PPP2R2B: variants seen among roughly 807,000 people sequenced by gnomAD.
PPP2R2B encodes protein phosphatase 2 regulatory subunit Bbeta.
In PPP2R2B, 5 loss-of-function variants were observed where a neutral mutation model predicts 46.0. The observed-to-expected ratio is 0.11, with a 90% CI of 0.06 to 0.23. The LOEUF (loss-of-function observed/expected upper bound fraction) is 0.23, where lower values mean the gene tolerates loss of function less well. Ranked by LOEUF, PPP2R2B falls within the 10% of genes least tolerant of loss-of-function variation. The pLI is 1.00. For missense variants in PPP2R2B, 367 were observed against 575.0 expected (o/e 0.64, Z 3.70); for synonymous variants, 215 against 206.7 (o/e 1.04, Z -0.34).
intron 1 of PPP2R2B, among the ~76,000 whole-genome samples, chr5:146,986,978 A>G (rs576673262): frequency 6.6e-6 from 1 of 152,304 alleles, no homozygotes; most frequent in African/African-American, 2.4e-5. Flanking sequence ...TCAAATGTCA[A>G]AAACAAAGGG....
intron 2 of PPP2R2B, among the ~76,000 whole-genome samples, chr5:146,722,287 C>G (rs1457356021): frequency 6.6e-6 from 1 of 152,116 alleles, no homozygotes; most frequent in African/African-American, 2.4e-5. Flanking sequence ...TATTCCCAGA[C>G]AAGAAAACAA....
intron 4 of PPP2R2B, among the ~76,000 whole-genome samples, chr5:146,693,905 C>T (rs1454236517): frequency 6.6e-6 from 1 of 152,230 alleles, no homozygotes; most frequent in Non-Finnish European, 1.5e-5. Context: ...TATTTCTTAT[C>T]TGTAACACTG....
At chr5:146,662,819 AAG>A (rs745829917) in intron 5 of PPP2R2B, among the ~76,000 whole-genome samples, 10 of 152,242 alleles carry the variant, frequency 6.6e-5, no homozygotes, top group Non-Finnish European at 1.3e-4. Flanking sequence ...ATGATATACA[AAG>A]AGTTCATGAA....
intron 2 of PPP2R2B, among the ~76,000 whole-genome samples, chr5:146,703,193 T>A (rs923590710): frequency 2.0e-5 from 3 of 152,214 alleles, no homozygotes; most frequent in African/African-American, 4.8e-5. Context: ...GGGTTATTCA[T>A]GGGGCTTCCA....
intron 7 of PPP2R2B, among the ~76,000 whole-genome samples, chr5:146,621,402 T>C (rs1773686518): frequency 6.6e-6 from 1 of 152,224 alleles, no homozygotes; most frequent in Non-Finnish European, 1.5e-5. Context: ...TCTGGCTCTA[T>C]GGCATCTCAT....
chr5:147,048,509 CA>C (rs1756643123), intron 1 of PPP2R2B, among the ~76,000 whole-genome samples: 1 of 152,082 alleles, frequency 6.6e-6, no homozygotes, highest in African/African-American at 2.4e-5. Flanking sequence ...TGTAGGTAAG[CA>C]AAACATTTAA....
intron 2 of PPP2R2B, among the ~76,000 whole-genome samples, chr5:146,813,141 GTGTATATATA>G: frequency 1.3e-5 from 2 of 151,528 alleles, no homozygotes; most frequent in Non-Finnish European, 2.9e-5. Flanking sequence ...TAGTGTGTGT[GTGTATATATA>G]TGTATATATG....
At chr5:146,692,019 A>C (rs1004237501) in intron 4 of PPP2R2B, among the ~76,000 whole-genome samples, 6 of 152,070 alleles carry the variant, frequency 3.9e-5, no homozygotes, top group Non-Finnish European at 7.3e-5. Context: ...GATACCTTTT[A>C]CTACCTGACA....
At chr5:146,868,731 T>C (rs1433562432) in intron 2 of PPP2R2B, among the ~76,000 whole-genome samples, 1 of 152,204 alleles carries the variant, frequency 6.6e-6, no homozygotes, top group Non-Finnish European at 1.5e-5. Flanking sequence ...TATTGATTGA[T>C]TCAGAAGAAT....
chr5:147,076,758 A>ACTCT (rs1757778774), intron 2 of PPP2R2B, among the ~76,000 whole-genome samples: 1 of 151,714 alleles, frequency 6.6e-6, no homozygotes, highest in South Asian at 2.1e-4. Context: ...GTGATGCTTT[A>ACTCT]CTCTTCTGGG....
At chr5:146,830,137 T>C (rs1328913014) in intron 2 of PPP2R2B, among the ~76,000 whole-genome samples, 1 of 152,220 alleles carries the variant, frequency 6.6e-6, no homozygotes, top group African/African-American at 2.4e-5. Flanking sequence ...ACTTCATTAC[T>C]GCTATATGTA....
chr5:146,785,038 T>G (rs116054898), intron 2 of PPP2R2B, among the ~76,000 whole-genome samples: 1,807 of 152,292 alleles, frequency 0.012, 37 homozygotes, highest in African/African-American at 0.042. Flanking sequence ...TAGCACTCCA[T>G]TTTACTTAGC....
chr5:146,661,741 A>G (rs1465816032), intron 5 of PPP2R2B, among the ~76,000 whole-genome samples: 1 of 152,118 alleles, frequency 6.6e-6, no homozygotes, highest in Non-Finnish European at 1.5e-5. Flanking sequence ...TCATGCAGAA[A>G]CCTGTAATTC....
intron 5 of PPP2R2B, among the ~76,000 whole-genome samples, chr5:146,657,588 TCTC>T (rs571966397): frequency 5.2e-4 from 79 of 152,262 alleles, no homozygotes; most frequent in African/African-American, 1.9e-3. Flanking sequence ...CAGGGTAGGT[TCTC>T]CTTACTTTTG....
At chr5:146,736,043 A>G (rs1424100462) in intron 2 of PPP2R2B, among the ~76,000 whole-genome samples, 2 of 152,062 alleles carry the variant, frequency 1.3e-5, no homozygotes, top group African/African-American at 4.8e-5. Flanking sequence ...CCAGGTGGAG[A>G]TAATTGAATC....
intron 1 of PPP2R2B, among the ~76,000 whole-genome samples, chr5:146,935,738 T>A (rs1253070633): frequency 1.3e-5 from 2 of 152,160 alleles, no homozygotes; most frequent in East Asian, 3.9e-4. Flanking sequence ...AAGTTTGATA[T>A]GTCTTCAGTG....
At chr5:146,692,587 G>A (rs544556697) in intron 4 of PPP2R2B, among the ~76,000 whole-genome samples, 18 of 144,138 alleles carry the variant, frequency 1.2e-4, no homozygotes, top group South Asian at 8.8e-4. Flanking sequence ...AGGCTGGAGC[G>A]CAGTGGCACA....
intron 1 of PPP2R2B, among the ~76,000 whole-genome samples, chr5:147,014,608 A>C (rs1032404563): frequency 6.6e-6 from 1 of 151,974 alleles, no homozygotes; most frequent in African/African-American, 2.4e-5. Context: ...AAATTGGAAA[A>C]CATCATTCTC....
intron 9 of PPP2R2B, 54 bp from the exon 10 acceptor site, chr5:146,590,280 G>C: frequency 6.8e-7 from 1 of 1,479,662 alleles, no homozygotes; most frequent in Non-Finnish European, 9.1e-7. Context: ...TTTCTTTTTG[G>C]AGCAAATGAT....
Sources: allele counts gnomAD v4.1 joint callset (sites outside exome capture counted in the v4.1 genomes callset), GRCh38; gene constraint gnomAD v4.1.1; transcripts MANE v1.5; gene names NCBI Gene and HGNC (gene_info 2026-07-23, HGNC 2026-07-21).